Variants in CADPS observed in about 807,000 individuals in gnomAD.
CADPS encodes calcium dependent secretion activator.
In CADPS, 57 loss-of-function variants were observed where a neutral mutation model predicts 167.3. That is an observed-to-expected ratio of 0.34 (90% CI 0.28 to 0.42). CADPS has a LOEUF of 0.42. Ranked by LOEUF, CADPS falls within the 20% of genes least tolerant of loss-of-function variation. CADPS has a pLI of 1.00. For missense variants in CADPS, 1,414 were observed against 1,738.1 expected (o/e 0.81, Z 3.32); for synonymous variants, 676 against 635.3 (o/e 1.06, Z -0.96).
intron 21 of CADPS, among the ~76,000 whole-genome samples, chr3:62,490,575 A>G (rs1359699872): frequency 6.6e-6 from 1 of 152,292 alleles, no homozygotes; most frequent in South Asian, 2.1e-4. Context: ...CAAACTTGCA[A>G]CCCACAAGAT....
intron 1 of CADPS, among the ~76,000 whole-genome samples, chr3:62,822,639 C>T (rs1329334759): frequency 2.0e-5 from 3 of 152,012 alleles, no homozygotes; most frequent in Admixed American, 6.6e-5. Context: ...GTCAGGAGTT[C>T]GAGACCAGCC....
Position 62,442,117 on chromosome 3 carries a change from A to C in CADPS, c.3669+3648T>G, listed in dbSNP as rs2056414150. On this transcript the variant is annotated intron_variant, in intron 27 of 29. Transcript: ENST00000383710. ...TAATAAAAAACAAAAACAAACCAGA[A>C]ATTTTTTTTTTTTTTGCCAAGTATT... Among the ~76,000 whole-genome samples, 4 of 151,778 alleles carry C rather than the reference A, an allele frequency of 2.6e-5. No homozygotes were observed. The South Asian group carries it at 8.3e-4, about 31-fold the overall frequency.
intron 1 of CADPS, among the ~76,000 whole-genome samples, chr3:62,840,149 C>T (rs1176203879): frequency 6.6e-6 from 1 of 152,168 alleles, no homozygotes; most frequent in African/African-American, 2.4e-5. Flanking sequence ...CATTAGCTTA[C>T]AGTATGGGCC....
At chr3:62,837,944 T>C (rs1038893988) in intron 1 of CADPS, among the ~76,000 whole-genome samples, 1 of 152,202 alleles carries the variant, frequency 6.6e-6, no homozygotes, top group African/African-American at 2.4e-5. Context: ...ATGGATTAAT[T>C]AAGCATTAGT....
chr3:62,795,571 TC>T (rs1425603579), intron 1 of CADPS, among the ~76,000 whole-genome samples: 5 of 152,212 alleles, frequency 3.3e-5, no homozygotes, highest in African/African-American at 1.2e-4. Context: ...TTACCAACTT[TC>T]TGTTTCAGGT....
intron 1 of CADPS, among the ~76,000 whole-genome samples, chr3:62,858,785 C>T (rs1039576140): frequency 6.6e-6 from 1 of 152,100 alleles, no homozygotes; most frequent in African/African-American, 2.4e-5. Flanking sequence ...TGTAAATTCT[C>T]ATCCAACGTA....
chr3:62,612,817 T>A (rs2061683601), intron 6 of CADPS, among the ~76,000 whole-genome samples: 1 of 152,210 alleles, frequency 6.6e-6, no homozygotes, highest in African/African-American at 2.4e-5. Context: ...CATTTGTTGA[T>A]GTTCATCCAT....
chr3:62,592,341 C>T (rs2086238836), intron 7 of CADPS, among the ~76,000 whole-genome samples: 1 of 152,172 alleles, frequency 6.6e-6, no homozygotes, highest in Non-Finnish European at 1.5e-5. Flanking sequence ...CAGTAAAAGA[C>T]ATTACAAATC....
At chr3:62,719,920 C>T (rs2075412258) in intron 3 of CADPS, among the ~76,000 whole-genome samples, 1 of 152,146 alleles carries the variant, frequency 6.6e-6, no homozygotes, top group African/African-American at 2.4e-5. Flanking sequence ...AGGCTGAAAG[C>T]TGTATTTTCT....
intron 1 of CADPS, among the ~76,000 whole-genome samples, chr3:62,837,297 C>T (rs1311518413): frequency 2.0e-5 from 3 of 152,178 alleles, no homozygotes; most frequent in African/African-American, 4.8e-5. Context: ...AAGCTCCTAT[C>T]TGACTGCAAA....
intron 6 of CADPS, among the ~76,000 whole-genome samples, chr3:62,598,250 C>T (rs1190959970): frequency 6.6e-6 from 1 of 152,128 alleles, no homozygotes; most frequent in Non-Finnish European, 1.5e-5. Context: ...TGGCTCTGAT[C>T]CAATGTCACC....
intron 6 of CADPS, among the ~76,000 whole-genome samples, chr3:62,620,634 T>C (rs142106538): frequency 1.3e-5 from 2 of 152,246 alleles, no homozygotes; most frequent in African/African-American, 4.8e-5. Context: ...ACCAGATCAG[T>C]GAGGAGTGAA....
intron 1 of CADPS, among the ~76,000 whole-genome samples, chr3:62,859,006 A>T (rs2080239131): frequency 6.6e-6 from 1 of 152,218 alleles, no homozygotes; most frequent in Non-Finnish European, 1.5e-5. Context: ...ATTGTGCTGG[A>T]AACAAAAGAC....
intron 8 of CADPS, among the ~76,000 whole-genome samples, chr3:62,576,802 A>T (rs2152495367): frequency 6.7e-6 from 1 of 149,018 alleles, no homozygotes; most frequent in South Asian, 2.1e-4. Flanking sequence ...AAAAAAAAAA[A>T]AAAAAAAAAA....
intron 3 of CADPS, among the ~76,000 whole-genome samples, chr3:62,674,407 T>C (rs1038037639): frequency 1.3e-5 from 2 of 152,174 alleles, no homozygotes; most frequent in African/African-American, 2.4e-5. Context: ...TCTACCTACA[T>C]GTATCATTAT....
intron 3 of CADPS, among the ~76,000 whole-genome samples, chr3:62,682,999 A>G (rs1421362381): frequency 1.3e-5 from 2 of 152,074 alleles, no homozygotes. Flanking sequence ...AGCATTTCAG[A>G]CAGAAATAGC....
Position 62,570,238 on chromosome 3 carries a change from TA to T in CADPS, c.1644+633del, listed in dbSNP as rs34173907. ...CTTGAAGAATTTGGTTTGTTTCAGT[TA>T]AAAAAAAAAAAAAGAAGTTTAATAG... On this transcript the variant is annotated intron_variant, in intron 9 of 29. Coordinates refer to ENST00000383710, the MANE Select transcript of CADPS (RefSeq NM_003716.4). Among the ~76,000 whole-genome samples the T allele has an allele frequency of 6.6e-3, 944 of 143,862 alleles. 7 individuals are homozygous for T. The highest frequency in any genetic ancestry group is 0.019 in the African/African-American group (734 of 39,090). The allele number at this position is 143,862 out of a possible 152,430, so 94.4% of individuals were successfully genotyped here.
At chr3:62,725,220 C>T (rs937953216) in intron 3 of CADPS, among the ~76,000 whole-genome samples, 1 of 152,184 alleles carries the variant, frequency 6.6e-6, no homozygotes, top group Admixed American at 6.5e-5. Context: ...CCTGCACTGT[C>T]CAAGATGGTA....
intron 1 of CADPS, among the ~76,000 whole-genome samples, chr3:62,806,583 C>T (rs2094114103): frequency 6.6e-6 from 1 of 152,028 alleles, no homozygotes. Context: ...TTAGTCCTGA[C>T]AATAACCCTG....
Sources: gnomAD v4.1 joint callset for allele counts (sites outside exome capture counted in the v4.1 genomes callset) on GRCh38, gnomAD v4.1.1 for gene constraint, MANE v1.5 for transcripts, NCBI Gene and HGNC (gene_info 2026-07-23, HGNC 2026-07-21) for gene names.